Variants in GLI3 observed in about 807,000 individuals in gnomAD.
GLI3 encodes transcription activator GLI3.
A neutral mutation model predicts 100.8 loss-of-function variants in GLI3; 20 were observed. That is an observed-to-expected ratio of 0.20 (90% CI 0.14 to 0.29). GLI3 has a LOEUF of 0.29. Ranked by LOEUF, GLI3 falls within the 10% of genes least tolerant of loss-of-function variation. GLI3 has a pLI of 1.00. For synonymous variants in GLI3, 938 were observed against 860.5 expected (o/e 1.09, Z -1.58); for missense variants, 2,040 against 2,128.5 (o/e 0.96, Z 0.82).
intron 2 of GLI3, among the ~76,000 whole-genome samples, chr7:42,209,681 T>C (rs1343407418): frequency 6.6e-6 from 1 of 152,148 alleles, no homozygotes; most frequent in Non-Finnish European, 1.5e-5. Context: ...ACAGATAAAG[T>C]GATGTGCAGG....
chr7:42,074,284 G>A (rs1333449235), intron 4 of GLI3, among the ~76,000 whole-genome samples: 1 of 152,160 alleles, frequency 6.6e-6, no homozygotes, highest in Non-Finnish European at 1.5e-5. Context: ...AGTGGCCAGA[G>A]TGCACAGCAC....
In GLI3 at chr7:42,197,527, T is replaced by C. The variant is rs140771891; in HGVS notation, c.124+25603A>G. ...TGACCACTGGATGGCCTTGGGGCCA[T>C]ATGTTCAAGCACACTCTGAATTCCT... is the stretch of plus-strand genomic sequence containing the variant. On this transcript the variant is annotated intron_variant, in intron 2 of 14. Transcript: ENST00000395925. Among the ~76,000 whole-genome samples the C allele has an allele frequency of 2.7e-3, 412 of 152,360 alleles. 1 individual carries two copies. Among genetic ancestry groups the C allele is most frequent in the African/African-American group, 9.3e-3 (386 of 41,590 alleles).
chr7:42,167,320 T>A (rs2128674431), intron 2 of GLI3, among the ~76,000 whole-genome samples: 1 of 152,282 alleles, frequency 6.6e-6, no homozygotes, highest in African/African-American at 2.4e-5. Flanking sequence ...ACTACAGAAT[T>A]CCTCTCTCCC....
intron 3 of GLI3, among the ~76,000 whole-genome samples, chr7:42,110,996 C>T (rs1371654146): frequency 6.6e-6 from 1 of 152,162 alleles, no homozygotes; most frequent in Non-Finnish European, 1.5e-5. Flanking sequence ...CCCAACTCTA[C>T]CACTAGAGAT....
rs1206392188 is a variant in GLI3 at position 42,236,962 on chromosome 7, G to C, written c.-43+9C>G. 6.6e-6 allele frequency: 1 copy of C among 151,938 alleles called. No homozygotes were observed. Among genetic ancestry groups the C allele is most frequent in the Non-Finnish European group, 1.5e-5 (1 of 67,994 alleles). The allele number at this position is 151,938 out of a possible 1,614,324, so 9.4% of individuals were successfully genotyped here. On this transcript the variant is annotated intron_variant, in intron 1 of 14. Transcript: ENST00000395925. The stretch of plus-strand genomic sequence containing the variant: ...GTCCGCGAAACAAAGAACTTCGAGC[G>C]GGACGTACCTGCGGCGGCAGCGGCT...
intron 4 of GLI3, among the ~76,000 whole-genome samples, chr7:42,051,086 G>A (rs974566232): frequency 3.9e-5 from 6 of 152,156 alleles, no homozygotes; most frequent in South Asian, 2.1e-4. Context: ...AGCTTCCCAC[G>A]AGTGAGGCTC....
Position 42,040,126 on chromosome 7 carries a change from G to C in GLI3, c.940C>G (p.Pro314Ala), listed in dbSNP as rs929846188. The stretch of plus-strand genomic sequence containing the variant: ...TTGAGAATCGTGACCAAGGAGTTGG[G>C]AGACGTCCTTATCATGGTCTGAAGG... ...FDLQTMIRTS[P>A]NSLVTILNNS... The change falls in exon 7 of 15, where the codon CCC (proline) becomes GCC (alanine). Residue 314 changes from proline to alanine, a missense_variant. Coordinates refer to ENST00000395925, the MANE Select transcript of GLI3 (RefSeq NM_000168.6). 2 of 1,614,000 alleles carry C rather than the reference G, an allele frequency of 1.2e-6. No individual in the cohort carries two copies. Among genetic ancestry groups the C allele is most frequent in the Non-Finnish European group, 1.7e-6 (2 of 1,179,846 alleles).
intron 2 of GLI3, among the ~76,000 whole-genome samples, chr7:42,165,168 G>T (rs1583614010): frequency 6.8e-6 from 1 of 147,954 alleles, no homozygotes; most frequent in South Asian, 2.1e-4. Flanking sequence ...GCAACAGAGT[G>T]AAACTGTGTC....
chr7:42,039,924 T>G, intron 7 of GLI3, 114 bp downstream of exon 7: 1 of 817,558 alleles, frequency 1.2e-6, no homozygotes, highest in South Asian at 1.4e-5. Flanking sequence ...CACAGCATCA[T>G]GCACTTTTAT....
intron 4 of GLI3, among the ~76,000 whole-genome samples, chr7:42,061,770 G>A (rs901810387): frequency 3.3e-5 from 5 of 152,204 alleles, no homozygotes; most frequent in African/African-American, 1.2e-4. Flanking sequence ...ACTGTAGAGT[G>A]TATGTAGTGA....
chr7:42,136,636 T>C (rs887607587), intron 3 of GLI3, among the ~76,000 whole-genome samples: 4 of 152,160 alleles, frequency 2.6e-5, no homozygotes, highest in Non-Finnish European at 5.9e-5. Flanking sequence ...GTTAACAAAA[T>C]AAGAAGAAAT....
chr7:42,196,838 A>AATG (rs1175363076), intron 2 of GLI3, among the ~76,000 whole-genome samples: 1 of 152,242 alleles, frequency 6.6e-6, no homozygotes, highest in Non-Finnish European at 1.5e-5. Flanking sequence ...AAGAAAAGGA[A>AATG]ATGTATCTGA....
chr7:42,230,535 A>T (rs1788677785), intron 1 of GLI3, among the ~76,000 whole-genome samples: 1 of 152,382 alleles, frequency 6.6e-6, no homozygotes, highest in South Asian at 2.1e-4. Flanking sequence ...AGCTTATTTG[A>T]CATGAAAGTA....
At chr7:42,039,545 T>C (rs1442684389) in intron 7 of GLI3, among the ~76,000 whole-genome samples, 1 of 152,242 alleles carries the variant, frequency 6.6e-6, no homozygotes, top group African/African-American at 2.4e-5. Flanking sequence ...CAATGTCATC[T>C]GCACTTATTT....
intron 3 of GLI3, among the ~76,000 whole-genome samples, chr7:42,083,613 ACAAACCCTATTC>A (rs1244736827): frequency 1.3e-5 from 2 of 152,230 alleles, no homozygotes. Context: ...AAAAAGGTTG[ACAAACCCTATTC>A]CAGTGTACCA....
At chr7:42,090,012 A>G (rs532940410) in intron 3 of GLI3, among the ~76,000 whole-genome samples, 1 of 152,346 alleles carries the variant, frequency 6.6e-6, no homozygotes, top group South Asian at 2.1e-4. Flanking sequence ...CTCGTAGGCT[A>G]TAACGGTACG....
At chr7:41,994,480 G>A (rs1311689492) in intron 10 of GLI3, among the ~76,000 whole-genome samples, 1 of 152,136 alleles carries the variant, frequency 6.6e-6, no homozygotes, top group Non-Finnish European at 1.5e-5. Context: ...TAGAAACACA[G>A]GTTTAAACTT....
At chr7:42,191,482 A>G (rs1459435897) in intron 2 of GLI3, among the ~76,000 whole-genome samples, 2 of 151,938 alleles carry the variant, frequency 1.3e-5, no homozygotes, top group African/African-American at 4.8e-5. Flanking sequence ...GAGAAGCCCC[A>G]TCTCTACTAA....
intron 3 of GLI3, among the ~76,000 whole-genome samples, chr7:42,120,217 C>A (rs1050720664): frequency 6.6e-6 from 1 of 152,196 alleles, no homozygotes; most frequent in Non-Finnish European, 1.5e-5. Flanking sequence ...GGACACCTTA[C>A]AAATTGTTAA....
Sources: allele counts gnomAD v4.1 joint callset (sites outside exome capture counted in the v4.1 genomes callset), GRCh38; gene constraint gnomAD v4.1.1; transcripts MANE v1.5; gene names NCBI Gene and HGNC (gene_info 2026-07-23, HGNC 2026-07-21).